Variants in FRMD4A observed in about 807,000 individuals in gnomAD.
The protein encoded by FRMD4A is FERM domain-containing protein 4A.
FRMD4A carries 29 observed loss-of-function variants against 129.1 expected under a neutral mutation model. That is an observed-to-expected ratio of 0.22 (90% confidence interval 0.17 to 0.31). The LOEUF is 0.31. Ranked by LOEUF, FRMD4A falls within the 10% of genes least tolerant of loss-of-function variation. The probability of loss-of-function intolerance (pLI) is 1.00; values close to 1 mark genes in which losing one functional copy is unlikely to be tolerated. For missense variants in FRMD4A, 1,272 were observed against 1,375.8 expected (o/e 0.92, Z 1.19); for synonymous variants, 634 against 571.6 (o/e 1.11, Z -1.56).
chr10:14,117,443 T>C (rs1415159344), intron 2 of FRMD4A, among the ~76,000 whole-genome samples: 1 of 152,242 alleles, frequency 6.6e-6, no homozygotes, highest in South Asian at 2.1e-4. Flanking sequence ...AGGAGCCCCA[T>C]TTCCTAGAAG....
chr10:13,723,499 T>A (rs1033216674), intron 12 of FRMD4A, among the ~76,000 whole-genome samples: 1 of 152,218 alleles, frequency 6.6e-6, no homozygotes, highest in Non-Finnish European at 1.5e-5. Flanking sequence ...CTTTGCAAGA[T>A]GACAAGAGTT....
chr10:14,246,307 C>T (rs1844233803), intron 2 of FRMD4A, among the ~76,000 whole-genome samples: 1 of 152,150 alleles, frequency 6.6e-6, no homozygotes, highest in African/African-American at 2.4e-5. Context: ...CCTAATGTCA[C>T]TAGCCTCAGG....
chr10:13,877,909 G>T (rs2094504785), intron 2 of FRMD4A, among the ~76,000 whole-genome samples: 1 of 152,120 alleles, frequency 6.6e-6, no homozygotes, highest in Non-Finnish European at 1.5e-5. Context: ...GTAAGCCTGG[G>T]CATGGAAGGT....
chr10:13,748,535 AG>A (rs1271519164), intron 8 of FRMD4A, among the ~76,000 whole-genome samples: 1 of 152,112 alleles, frequency 6.6e-6, no homozygotes, highest in Admixed American at 6.5e-5. Context: ...ACACTCAAAA[AG>A]TTTCTGAGTT....
At chr10:14,019,221 G>T (rs1005878390) in intron 2 of FRMD4A, among the ~76,000 whole-genome samples, 1 of 149,638 alleles carries the variant, frequency 6.7e-6, no homozygotes, top group Non-Finnish European at 1.5e-5. Context: ...TCTCAAAAAA[G>T]AAAAAAAAAG....
intron 2 of FRMD4A, among the ~76,000 whole-genome samples, chr10:13,955,080 C>T (rs2095401259): frequency 6.6e-6 from 1 of 150,888 alleles, no homozygotes; most frequent in South Asian, 2.1e-4. Flanking sequence ...AGGTAGTCTT[C>T]CAACTCTTCC....
chr10:13,698,524 G>A (rs752279512), intron 14 of FRMD4A, among the ~76,000 whole-genome samples: 1 of 152,160 alleles, frequency 6.6e-6, no homozygotes, highest in African/African-American at 2.4e-5. Flanking sequence ...TTCCCAAAGG[G>A]TACGTCATCA....
chr10:13,961,206 G>C (rs1309037169), intron 2 of FRMD4A, among the ~76,000 whole-genome samples: 1 of 152,188 alleles, frequency 6.6e-6, no homozygotes, highest in East Asian at 1.9e-4. Context: ...TTACAAAGAT[G>C]AGAAAGACAA....
chr10:14,162,890 G>A lies in FRMD4A; in HGVS notation c.45+167168C>T, dbSNP rs1257096627. Among the ~76,000 whole-genome samples, 3 of 152,078 alleles carry A rather than the reference G, an allele frequency of 2.0e-5. No individual in the cohort carries two copies. The East Asian group carries it at 5.8e-4, about 29-fold the overall frequency. ...ACTCAACCTGTAAAATAAATTACAA[G>A]TTGCTTTAAAGCCTGTGTGGTAATA... On this transcript the variant is annotated intron_variant, in intron 2 of 24. Coordinates refer to ENST00000357447, the MANE Select transcript of FRMD4A (RefSeq NM_018027.5).
intron 2 of FRMD4A, among the ~76,000 whole-genome samples, chr10:14,066,385 A>G (rs182873439): frequency 2.1e-4 from 32 of 152,284 alleles, no homozygotes; most frequent in Middle Eastern, 3.4e-3. Context: ...GTTCAGTGCC[A>G]TAAGATCAGG....
At chr10:13,811,296 T>G (rs2093440947) in intron 3 of FRMD4A, among the ~76,000 whole-genome samples, 1 of 151,468 alleles carries the variant, frequency 6.6e-6, no homozygotes, top group Non-Finnish European at 1.5e-5. Flanking sequence ...ATGGCTTTTT[T>G]TTTTTTTTTT....
intron 2 of FRMD4A, among the ~76,000 whole-genome samples, chr10:14,234,944 G>A (rs1407317934): frequency 1.3e-5 from 2 of 152,150 alleles, no homozygotes; most frequent in Non-Finnish European, 2.9e-5. Flanking sequence ...TCCAAGCTCT[G>A]ACTTTCAAGT....
At chr10:13,734,284 T>A (rs563117194) in intron 12 of FRMD4A, among the ~76,000 whole-genome samples, 86 of 152,296 alleles carry the variant, frequency 5.6e-4, no homozygotes, top group African/African-American at 2.0e-3. Context: ...CTCAGTCTTG[T>A]CCTGGGTTTT....
At chr10:13,737,096 G>GT (rs1193905796) in intron 12 of FRMD4A, among the ~76,000 whole-genome samples, 1 of 150,260 alleles carries the variant, frequency 6.7e-6, no homozygotes, top group Non-Finnish European at 1.5e-5. Context: ...CAGCTTTTCT[G>GT]TTTTTTGTTT....
chr10:13,992,897 G>A (rs2095608275), intron 2 of FRMD4A, among the ~76,000 whole-genome samples: 1 of 135,110 alleles, frequency 7.4e-6, no homozygotes, highest in Admixed American at 8.4e-5. Flanking sequence ...AGGTTGCAGT[G>A]TGCCAAGATT....
chr10:14,017,201 T>C (rs2095702013), intron 2 of FRMD4A, among the ~76,000 whole-genome samples: 1 of 152,210 alleles, frequency 6.6e-6, no homozygotes, highest in South Asian at 2.1e-4. Context: ...TCCTGCAAGA[T>C]GGCCATGTGA....
intron 2 of FRMD4A, chr10:14,327,099 C>G (rs984158775): frequency 5.0e-6 from 2 of 397,166 alleles, no homozygotes; most frequent in East Asian, 7.1e-5. Context: ...CCCAGCTGAC[C>G]GCAACCCAGC....
intron 2 of FRMD4A, among the ~76,000 whole-genome samples, chr10:14,138,108 G>A (rs1406352391): frequency 6.6e-6 from 1 of 152,140 alleles, no homozygotes; most frequent in African/African-American, 2.4e-5. Flanking sequence ...ATGGAAAATG[G>A]GTCATTGCAT....
At chr10:14,260,860 A>G (rs1442694679) in intron 2 of FRMD4A, among the ~76,000 whole-genome samples, 2 of 152,252 alleles carry the variant, frequency 1.3e-5, no homozygotes, top group Non-Finnish European at 2.9e-5. Flanking sequence ...AAGCAAACAG[A>G]GTGGCATAAA....
Sources: gnomAD v4.1 joint callset for allele counts (sites outside exome capture counted in the v4.1 genomes callset) on GRCh38, gnomAD v4.1.1 for gene constraint, MANE v1.5 for transcripts, NCBI Gene and HGNC (gene_info 2026-07-23, HGNC 2026-07-21) for gene names.